BCCIP: variants seen among roughly 807,000 people sequenced by gnomAD.
BCCIP encodes BRCA2 and CDKN1A-interacting protein.
Under a neutral mutation model 32.8 loss-of-function variants are expected in BCCIP, and 23 were observed. The ratio of observed to expected loss-of-function variants is 0.70; its 90% CI spans 0.51 to 0.99. The LOEUF (loss-of-function observed/expected upper bound fraction) is 0.99. BCCIP is among the 50% of genes least tolerant of loss of function. BCCIP has a pLI of 0.00. For synonymous variants in BCCIP, 144 were observed against 137.6 expected (o/e 1.05, Z -0.33); for missense variants, 378 against 379.8 (o/e 1.00, Z 0.04).
chr10:125,824,459 T>G (rs1201894081), intron 1 of BCCIP, among the ~76,000 whole-genome samples: 1 of 152,216 alleles, frequency 6.6e-6, no homozygotes, highest in Non-Finnish European at 1.5e-5. Context: ...TTCATGCCCC[T>G]CTCTTAATCG....
downstream of BCCIP, among the ~76,000 whole-genome samples, chr10:125,843,968 C>T (rs187475695): frequency 1.9e-3 from 284 of 152,284 alleles, no homozygotes; most frequent in African/African-American, 6.5e-3. Context: ...AATGTTTTCC[C>T]ATCAAGATTT....
downstream of BCCIP, chr10:125,841,313 TTCC>T (rs777054910): frequency 8.1e-6 from 13 of 1,614,170 alleles, no homozygotes; most frequent in East Asian, 2.9e-4. Context: ...TTGGAACCAG[TTCC>T]GATACAGCAC....
downstream of BCCIP, chr10:125,841,407 A>C (rs749040781): frequency 6.2e-7 from 1 of 1,603,452 alleles, no homozygotes. Context: ...GAAATAAAAA[A>C]CAGGCACACA....
At chr10:125,835,959 A>G in intron 6 of BCCIP, 145 bp from the exon 7 acceptor site, 1 of 708,274 alleles carries the variant, frequency 1.4e-6, no homozygotes, top group Non-Finnish European at 2.3e-6. Flanking sequence ...TCCCATTTGA[A>G]CTTTTTCAAT....
chr10:125,834,898 C>T (rs1007570319), intron 6 of BCCIP, among the ~76,000 whole-genome samples: 2 of 151,616 alleles, frequency 1.3e-5, no homozygotes, highest in Non-Finnish European at 2.9e-5. Context: ...TTTGGGAGGT[C>T]AAGGCGGGTG....
chr10:125,838,924 A>G, downstream of BCCIP: 3 of 1,424,292 alleles, frequency 2.1e-6, no homozygotes, highest in Non-Finnish European at 1.9e-6. Context: ...TCATCATCCT[A>G]AGCCATTGTT....
chr10:125,833,526 T>A (rs1328066360), intron 5 of BCCIP, among the ~76,000 whole-genome samples: 2 of 152,124 alleles, frequency 1.3e-5, no homozygotes, highest in Non-Finnish European at 2.9e-5. Context: ...ATCTGTTAGT[T>A]GCTATATATC....
chr10:125,825,735 C>T (rs1854375191), intron 1 of BCCIP: 1 of 152,246 alleles, frequency 6.6e-6, no homozygotes, highest in Admixed American at 6.5e-5. Flanking sequence ...ATTATTTCAT[C>T]AGAGCCCCAG....
intron 3 of BCCIP, among the ~76,000 whole-genome samples, chr10:125,828,734 T>G (rs959871200): frequency 2.0e-5 from 3 of 152,166 alleles, no homozygotes; most frequent in South Asian, 2.1e-4. Context: ...ATAGCAGTAG[T>G]CATTTATTTG....
downstream of BCCIP, chr10:125,838,912 AATC>A (rs1854783542): frequency 5.1e-6 from 7 of 1,365,352 alleles, no homozygotes; most frequent in East Asian, 4.7e-5. Context: ...TTAATGTCAA[AATC>A]ATCATCCTAA....
At chr10:125,835,841 T>A (rs1564820492) in intron 6 of BCCIP, among the ~76,000 whole-genome samples, 1 of 152,240 alleles carries the variant, frequency 6.6e-6, no homozygotes, top group Non-Finnish European at 1.5e-5. Context: ...TAAATGAAAA[T>A]ACCACTTAGC....
At chr10:125,827,531 T>C (rs1177275249) in intron 2 of BCCIP, 27 bp from the exon 3 acceptor site, 10 of 1,452,728 alleles carry the variant, frequency 6.9e-6, no homozygotes, top group Non-Finnish European at 9.6e-6. Context: ...TTGATCTTAA[T>C]TTAAAATAAT....
rs370859046 is a variant in BCCIP at position 125,836,188 on chromosome 10, A to G, written c.859A>G (p.Met287Val). The change falls in exon 7 of 7, where the codon ATG (methionine) becomes GTG (valine). Residue 287 changes from methionine to valine, a missense_variant. By Grantham distance (21) the Met-to-Val change is conservative. Transcript: ENST00000278100. ...CAAATGGTCTTTTGATGACGTACCA[A>G]TGACGCCCTTGCGAACTGTGATGTT... ...GGKWSFDDVP[M>V]TPLRTVMLIP... is the part of the protein sequence containing the mutation. 6.0e-4 allele frequency: 961 copies of G among 1,614,238 alleles called. 15 individuals carry two copies. In the South Asian group the frequency reaches 9.9e-3, roughly 17 times the overall value.
chr10:125,834,940 G>A (rs1415607647), intron 6 of BCCIP, among the ~76,000 whole-genome samples: 2 of 151,378 alleles, frequency 1.3e-5, no homozygotes, highest in Non-Finnish European at 2.9e-5. Flanking sequence ...AGACCATCCT[G>A]GCTAACATGG....
downstream of BCCIP, among the ~76,000 whole-genome samples, chr10:125,842,984 A>G (rs141240943): frequency 0.019 from 2,850 of 152,122 alleles, 35 homozygotes; most frequent in Middle Eastern, 0.034. Flanking sequence ...TTTTGCCATT[A>G]CTTTCAATGG....
intron 2 of BCCIP, 64 bp downstream of exon 2, chr10:125,826,729 G>A: frequency 6.3e-7 from 1 of 1,591,212 alleles, no homozygotes; most frequent in South Asian, 1.1e-5. Context: ...GCCGGGTGCA[G>A]TGGTTCATGC....
chr10:125,826,874 C>G lies in BCCIP; in HGVS notation c.240+209C>G, dbSNP rs1205156756. ...AATTAGCCAACTGTGGTAGCACACA[C>G]CGTTAGTCCTAACTCCTCAGGAGGC... On this transcript the variant is annotated intron_variant, in intron 2 of 6. Transcript: ENST00000278100. Among the ~76,000 whole-genome samples the G allele has an allele frequency of 2.6e-5, 4 of 151,876 alleles. No individual in the cohort carries two copies. In the East Asian group the frequency reaches 5.8e-4, roughly 22 times the overall value.
At chr10:125,839,673 G>C (rs1854815612), downstream of BCCIP, among the ~76,000 whole-genome samples, 1 of 152,168 alleles carries the variant, frequency 6.6e-6, no homozygotes, top group Non-Finnish European at 1.5e-5. Context: ...TTACTACCAG[G>C]TTGATTTGGG....
At chr10:125,828,718 C>A (rs536365526) in intron 3 of BCCIP, among the ~76,000 whole-genome samples, 32 of 152,262 alleles carry the variant, frequency 2.1e-4, no homozygotes, top group African/African-American at 7.7e-4. Flanking sequence ...AGCTTAGTGT[C>A]GTAAAATAGC....
Sources: allele counts gnomAD v4.1 joint callset (sites outside exome capture counted in the v4.1 genomes callset), GRCh38; gene constraint gnomAD v4.1.1; transcripts MANE v1.5; gene names NCBI Gene and HGNC (gene_info 2026-07-23, HGNC 2026-07-21).